IL36B: variants seen among roughly 807,000 people sequenced by gnomAD.
The protein encoded by IL36B is interleukin 36 beta.
IL36B carries 23 observed loss-of-function variants against 19.3 expected under a neutral mutation model. The observed-to-expected ratio is 1.19, with a 90% CI of 0.86 to 1.69. The LOEUF (loss-of-function observed/expected upper bound fraction) is 1.69. Ranked by LOEUF, IL36B falls within the 40% of genes most tolerant of loss-of-function variation. IL36B has a pLI of 0.00. For synonymous variants in IL36B, 59 were observed against 59.7 expected (o/e 0.99, Z 0.05); for missense variants, 217 against 200.5 (o/e 1.08, Z -0.50).
At chr2:113,042,598 A>AT (rs1409101023) in intron 1 of IL36B, among the ~76,000 whole-genome samples, 1 of 152,176 alleles carries the variant, frequency 6.6e-6, no homozygotes, top group South Asian at 2.1e-4. Context: ...TATATAATTG[A>AT]TTTTGTCTGG....
chr2:113,033,733 G>A (rs765958336), intron 1 of IL36B, among the ~76,000 whole-genome samples: 5 of 152,132 alleles, frequency 3.3e-5, no homozygotes, highest in Middle Eastern at 3.2e-3. Flanking sequence ...TGCACTAGCC[G>A]GAACACAGTC....
At chr2:113,031,542 G>T (rs916889886) in intron 2 of IL36B, among the ~76,000 whole-genome samples, 155 bp downstream of exon 2, 22 of 152,098 alleles carry the variant, frequency 1.4e-4, no homozygotes, top group Non-Finnish European at 2.4e-4. Flanking sequence ...AGAGCTAGGT[G>T]CCCCGAGATT....
At chr2:113,041,990 CAGGGAGCTGACAGTAGTGACAAAG>C (rs1685266192) in intron 1 of IL36B, among the ~76,000 whole-genome samples, 1 of 152,150 alleles carries the variant, frequency 6.6e-6, no homozygotes, top group South Asian at 2.1e-4. Context: ...AGGCTTTTTC[CAGGGAGCTGACAGTAGTGACAAAG>C]GACATCTGAT....
chr2:113,052,111 A>G (rs1473031087), intron 1 of IL36B, among the ~76,000 whole-genome samples: 1 of 151,836 alleles, frequency 6.6e-6, no homozygotes, highest in Admixed American at 6.6e-5. Flanking sequence ...CACTATGCCC[A>G]ACTAGTTTTT....
Position 113,022,436 on chromosome 2 carries a change from G to A in IL36B, c.*238C>T, listed in dbSNP as rs1684878249. 1 of 363,210 alleles carries A rather than the reference G, an allele frequency of 2.8e-6. No homozygotes were observed. The highest frequency in any genetic ancestry group is 5.0e-6 in the Non-Finnish European group (1 of 199,072). The allele number at this position is 363,210 out of a possible 1,614,324, so 22.5% of individuals were successfully genotyped here. On this transcript the variant is annotated 3_prime_UTR_variant, in exon 6 of 6. Transcript: ENST00000259213. ...TTTTTTAAAAAACACTCTAAGGACTGGACAAAACACATTTACAGGTTATGT... is the reference window on the plus strand; with the variant it reads ...TTTTTTAAAAAACACTCTAAGGACTAGACAAAACACATTTACAGGTTATGT...
chr2:113,028,027 A>T, intron 4 of IL36B: 1 of 1,614,192 alleles, frequency 6.2e-7, no homozygotes, highest in Non-Finnish European at 8.5e-7. Context: ...GACTGACTGA[A>T]AGACAGAAGT....
At chr2:113,048,299 AG>A (rs1175462158) in intron 1 of IL36B, among the ~76,000 whole-genome samples, 1 of 152,152 alleles carries the variant, frequency 6.6e-6, no homozygotes, top group Admixed American at 6.6e-5. Flanking sequence ...ACAGTTAGCC[AG>A]GCATGGTGGC....
intron 2 of IL36B, 63 bp downstream of exon 2, chr2:113,031,634 C>G: frequency 7.3e-7 from 1 of 1,377,324 alleles, no homozygotes; most frequent in East Asian, 2.3e-5. Flanking sequence ...GTCCTTCCAT[C>G]CTATTGTCTT....
In IL36B at chr2:113,029,094, A is replaced by G; in HGVS notation, c.122-16T>C. Reference sequence around the variant, plus strand: ...TGAAGAGTGACTGGAAACACAAAGGAAAATGGAGAAGATGTTTCAGTCTTT... The same window carrying G: ...TGAAGAGTGACTGGAAACACAAAGGGAAATGGAGAAGATGTTTCAGTCTTT... On this transcript the variant is annotated splice_polypyrimidine_tract_variant and intron_variant, in intron 3 of 5. Transcript: ENST00000259213. 6.2e-7 allele frequency: 1 copy of G among 1,608,018 alleles called. No individual in the cohort carries two copies. The highest frequency in any genetic ancestry group is 8.5e-7 in the Non-Finnish European group (1 of 1,177,022).
chr2:113,032,417 C>G (rs1298127955), intron 1 of IL36B, among the ~76,000 whole-genome samples: 2 of 152,114 alleles, frequency 1.3e-5, no homozygotes, highest in Non-Finnish European at 2.9e-5. Context: ...AAGAATATCA[C>G]AGACACTCCA....
At chr2:113,044,856 T>C (rs1685321990) in intron 1 of IL36B, among the ~76,000 whole-genome samples, 2 of 152,206 alleles carry the variant, frequency 1.3e-5, no homozygotes, top group African/African-American at 4.8e-5. Context: ...TCTGTTAACT[T>C]ACTAGTGATT....
At chr2:113,039,738 G>A (rs189249733) in intron 1 of IL36B, among the ~76,000 whole-genome samples, 3 of 152,328 alleles carry the variant, frequency 2.0e-5, no homozygotes, top group Middle Eastern at 3.4e-3. Context: ...CCATTTAAAT[G>A]AATTTAATTC....
chr2:113,032,186 C>T (rs957219867), intron 1 of IL36B, among the ~76,000 whole-genome samples: 10 of 148,886 alleles, frequency 6.7e-5, no homozygotes, highest in African/African-American at 1.0e-4. Flanking sequence ...CATTTTAGCC[C>T]TCCACACAGC....
intron 5 of IL36B, among the ~76,000 whole-genome samples, chr2:113,024,044 A>G (rs1003077074): frequency 6.6e-6 from 1 of 152,198 alleles, no homozygotes; most frequent in Admixed American, 6.5e-5. Flanking sequence ...ATTGAAGAGA[A>G]AGATGGGTGG....
chr2:113,030,712 T>C (rs1685057885), intron 3 of IL36B, among the ~76,000 whole-genome samples: 1 of 151,544 alleles, frequency 6.6e-6, no homozygotes, highest in Non-Finnish European at 1.5e-5. Context: ...ATGACGGAGT[T>C]TGAATCTGAG....
intron 1 of IL36B, among the ~76,000 whole-genome samples, chr2:113,037,438 T>C (rs1189332756): frequency 6.6e-6 from 1 of 152,120 alleles, no homozygotes; most frequent in South Asian, 2.1e-4. Context: ...TCACCTGAGG[T>C]TGGGAGTTTG....
intron 5 of IL36B, among the ~76,000 whole-genome samples, chr2:113,023,005 A>G (rs1346498573): frequency 6.6e-6 from 1 of 152,178 alleles, no homozygotes; most frequent in East Asian, 1.9e-4. Flanking sequence ...TTGCCCCAAA[A>G]GTCTAGATTG....
chr2:113,029,414 T>G (rs999329577), intron 3 of IL36B, among the ~76,000 whole-genome samples: 1 of 151,842 alleles, frequency 6.6e-6, no homozygotes, highest in Admixed American at 6.6e-5. Context: ...CCAAATAAAG[T>G]GAGAGGTGGG....
chr2:113,026,340 T>C, intron 4 of IL36B: 1 of 1,518,074 alleles, frequency 6.6e-7, no homozygotes, highest in Non-Finnish European at 8.9e-7. Context: ...GCATACAGCA[T>C]GTAAGGTGGG....
Sources: allele counts gnomAD v4.1 joint callset (sites outside exome capture counted in the v4.1 genomes callset), GRCh38; gene constraint gnomAD v4.1.1; transcripts MANE v1.5; gene names NCBI Gene and HGNC (gene_info 2026-07-23, HGNC 2026-07-21).